The following CDH18 variants were observed in gnomAD, a reference collection of about 807,000 sequenced individuals.
CDH18 encodes the protein cadherin-18.
CDH18 carries 31 observed loss-of-function variants against 67.9 expected under a neutral mutation model. The ratio of observed to expected loss-of-function variants is 0.46; its 90% CI spans 0.34 to 0.62. The LOEUF (loss-of-function observed/expected upper bound fraction) is 0.62, where lower values mean the gene tolerates loss of function less well. CDH18 is among the 20% of genes least tolerant of loss of function. The pLI, the probability that CDH18 is intolerant of heterozygous loss-of-function variation, is 0.01. For synonymous variants in CDH18, 362 were observed against 347.2 expected (o/e 1.04, Z -0.48); for missense variants, 890 against 975.5 (o/e 0.91, Z 1.17).
At chr5:20,459,074 T>G (rs1234871115) in intron 1 of CDH18, among the ~76,000 whole-genome samples, 2 of 152,214 alleles carry the variant, frequency 1.3e-5, no homozygotes, top group Non-Finnish European at 2.9e-5. Flanking sequence ...GTCACGTGTA[T>G]GCATATGTTT....
chr5:20,191,829 A>G (rs1738565069), intron 2 of CDH18, among the ~76,000 whole-genome samples: 1 of 152,106 alleles, frequency 6.6e-6, no homozygotes, highest in Non-Finnish European at 1.5e-5. Flanking sequence ...ATGTGTGCAC[A>G]TGTCTTTACA....
At chr5:20,172,654 C>CA (rs1214994646) in intron 2 of CDH18, among the ~76,000 whole-genome samples, 1 of 151,870 alleles carries the variant, frequency 6.6e-6, no homozygotes, top group Non-Finnish European at 1.5e-5. Context: ...ACAGTGATTA[C>CA]AAAAATATAT....
At chr5:19,486,807 T>G (rs1252070529) in intron 11 of CDH18, among the ~76,000 whole-genome samples, 2 of 149,472 alleles carry the variant, frequency 1.3e-5, no homozygotes, top group African/African-American at 2.4e-5. Context: ...AATAAATAAA[T>G]AAATAAATAA....
rs191149610 is a variant in CDH18, at chr5:19,957,792, A to G, written c.-257+23268T>C. 1.2e-4 allele frequency among the ~76,000 whole-genome samples: 19 copies of G among 152,156 alleles called. 1 individual carries two copies. The highest frequency in any genetic ancestry group is 1.3e-4 in the Admixed American group (2 of 15,262). ...GTTGTAATTTATGAGATGATGTACA[A>G]TAGAAGACTATTTATTTTCAGAGTT... On this transcript the variant is annotated intron_variant, in intron 2 of 12. Transcript: ENST00000382275.
intron 2 of CDH18, among the ~76,000 whole-genome samples, chr5:19,943,506 G>A (rs952298567): frequency 6.6e-6 from 1 of 152,078 alleles, no homozygotes; most frequent in Non-Finnish European, 1.5e-5. Context: ...ACTGAGATGT[G>A]ATTTAAATGT....
chr5:19,825,519 A>ATACAGCCTG (rs1780321303), intron 3 of CDH18, among the ~76,000 whole-genome samples: 1 of 152,116 alleles, frequency 6.6e-6, no homozygotes. Flanking sequence ...CACCGCAAGG[A>ATACAGCCTG]TACAGCCTGT....
chr5:19,815,784 T>C (rs1779227022), intron 3 of CDH18, among the ~76,000 whole-genome samples: 1 of 151,968 alleles, frequency 6.6e-6, no homozygotes, highest in Admixed American at 6.6e-5. Context: ...ACTTGAGGAA[T>C]TCAGCAAAAT....
At chr5:20,322,475 T>C (rs778908883) in intron 1 of CDH18, among the ~76,000 whole-genome samples, 5 of 152,136 alleles carry the variant, frequency 3.3e-5, no homozygotes, top group East Asian at 1.9e-4. Context: ...AGTAACTCTA[T>C]GACATTGGAA....
At chr5:19,732,411 C>T (rs1009983065) in intron 4 of CDH18, among the ~76,000 whole-genome samples, 4 of 152,006 alleles carry the variant, frequency 2.6e-5, no homozygotes, top group Non-Finnish European at 5.9e-5. Flanking sequence ...ATGATCATGC[C>T]ACTGCACTCC....
chr5:19,896,746 T>C (rs770719249), intron 2 of CDH18, among the ~76,000 whole-genome samples: 3 of 152,208 alleles, frequency 2.0e-5, no homozygotes, highest in Middle Eastern at 3.2e-3. Flanking sequence ...TAAATACATA[T>C]GCAAACGAGT....
intron 2 of CDH18, among the ~76,000 whole-genome samples, chr5:20,244,436 TC>T (rs1410755053): frequency 6.6e-6 from 1 of 152,118 alleles, no homozygotes; most frequent in African/African-American, 2.4e-5. Flanking sequence ...ACTCAATGTC[TC>T]CAGCTCATAT....
chr5:20,542,861 TA>T (rs1757131329), intron 1 of CDH18, among the ~76,000 whole-genome samples: 1 of 152,054 alleles, frequency 6.6e-6, no homozygotes, highest in African/African-American at 2.4e-5. Context: ...TGTAAACTTG[TA>T]GTGTATTTTA....
In CDH18 at chr5:20,226,613, T is replaced by G. The variant is rs559939472; in HGVS notation, c.-518+28831A>C. ...TGAATATAGGCACTCTCAAATCACTTTAACAAATCATATCTTTTCTTATTG... is the reference window on the plus strand; with the variant it reads ...TGAATATAGGCACTCTCAAATCACTGTAACAAATCATATCTTTTCTTATTG... On this transcript the variant is annotated intron_variant, in intron 2 of 14. Transcript: ENST00000507958. Among the ~76,000 whole-genome samples, 6 of 152,230 alleles carry G rather than the reference T, an allele frequency of 3.9e-5. No homozygotes were observed. In the South Asian group the frequency reaches 1.2e-3, roughly 32 times the overall value.
intron 1 of CDH18, among the ~76,000 whole-genome samples, chr5:20,464,432 T>C (rs1751493906): frequency 6.7e-6 from 1 of 150,180 alleles, no homozygotes; most frequent in Non-Finnish European, 1.5e-5. Flanking sequence ...AGTAAGATTT[T>C]GTTCATTGAG....
At chr5:20,211,631 A>C (rs531571470) in intron 2 of CDH18, among the ~76,000 whole-genome samples, 1 of 152,308 alleles carries the variant, frequency 6.6e-6, no homozygotes, top group African/African-American at 2.4e-5. Context: ...AGGCAAACAG[A>C]GACTGGAGTG....
intron 2 of CDH18, among the ~76,000 whole-genome samples, chr5:19,842,823 C>T (rs1782494048): frequency 6.6e-6 from 1 of 152,064 alleles, no homozygotes; most frequent in African/African-American, 2.4e-5. Flanking sequence ...ATGTGGACAA[C>T]GAAGTCCAGG....
chr5:20,275,524 C>T (rs139711778), intron 1 of CDH18, among the ~76,000 whole-genome samples: 1 of 152,226 alleles, frequency 6.6e-6, no homozygotes, highest in African/African-American at 2.4e-5. Flanking sequence ...GACTAATACG[C>T]CACTTAACAG....
chr5:20,521,833 A>G (rs1006657997), intron 1 of CDH18, among the ~76,000 whole-genome samples: 5 of 152,096 alleles, frequency 3.3e-5, no homozygotes, highest in African/African-American at 1.2e-4. Flanking sequence ...ACGTGCATAC[A>G]TTTGTATTTC....
intron 1 of CDH18, among the ~76,000 whole-genome samples, chr5:20,374,601 T>G (rs1014147305): frequency 1.3e-5 from 2 of 152,210 alleles, no homozygotes; most frequent in Non-Finnish European, 2.9e-5. Flanking sequence ...TTTCCCGGCA[T>G]ATTTTAGACC....
Sources: gnomAD v4.1 joint callset for allele counts (sites outside exome capture counted in the v4.1 genomes callset) on GRCh38, gnomAD v4.1.1 for gene constraint, MANE v1.5 for transcripts, NCBI Gene and HGNC (gene_info 2026-07-23, HGNC 2026-07-21) for gene names.